Variants in EPHA5 observed in about 807,000 individuals in gnomAD.
EPHA5 encodes the protein EPH receptor A5.
EPHA5 carries 60 observed loss-of-function variants against 105.0 expected under a neutral mutation model. The observed-to-expected ratio is 0.57, with a 90% confidence interval of 0.46 to 0.71. EPHA5 has a LOEUF of 0.71. Among genes scored for constraint, EPHA5 ranks in the 30% least tolerant of loss-of-function variants. EPHA5 has a pLI of 0.00. For synonymous variants in EPHA5, 513 were observed against 449.1 expected (o/e 1.14, Z -1.80); for missense variants, 1,218 against 1,274.7 (o/e 0.96, Z 0.68).
At chr4:65,616,926 T>C (rs1328546823) in intron 2 of EPHA5, among the ~76,000 whole-genome samples, 1 of 152,080 alleles carries the variant, frequency 6.6e-6, no homozygotes, top group African/African-American at 2.4e-5. Flanking sequence ...TAAGTTGAAA[T>C]CTTTGTGAAC....
chr4:65,350,200 G>T (rs1435685873), intron 13 of EPHA5, among the ~76,000 whole-genome samples: 1 of 152,080 alleles, frequency 6.6e-6, no homozygotes, highest in Admixed American at 6.6e-5. Context: ...TCTTAATTGA[G>T]TTTTCATGTA....
At chr4:65,533,707 G>T (rs2149307357) in intron 3 of EPHA5, among the ~76,000 whole-genome samples, 1 of 152,232 alleles carries the variant, frequency 6.6e-6, no homozygotes, top group East Asian at 1.9e-4. Flanking sequence ...GGCCGAGGTG[G>T]GCGGATCACC....
chr4:65,327,299 G>T (rs1340510139), intron 16 of EPHA5, among the ~76,000 whole-genome samples: 1 of 151,168 alleles, frequency 6.6e-6, no homozygotes, highest in Non-Finnish European at 1.5e-5. Context: ...GTGAACTAGG[G>T]ATAAAATTTT....
intron 6 of EPHA5, among the ~76,000 whole-genome samples, chr4:65,416,847 G>A (rs898795331): frequency 1.3e-5 from 2 of 152,084 alleles, no homozygotes; most frequent in Non-Finnish European, 2.9e-5. Context: ...TCATCTAAGC[G>A]TCTTCCAAAA....
At chr4:65,592,358 T>G (rs1005422250) in intron 3 of EPHA5, among the ~76,000 whole-genome samples, 1 of 152,062 alleles carries the variant, frequency 6.6e-6, no homozygotes, top group African/African-American at 2.4e-5. Context: ...CTCAGTGGGA[T>G]GAGGCAGGCT....
chr4:65,489,662 AC>A (rs1256055044), intron 5 of EPHA5, among the ~76,000 whole-genome samples: 1 of 152,200 alleles, frequency 6.6e-6, no homozygotes, highest in African/African-American at 2.4e-5. Context: ...TTTTTATCTT[AC>A]CAGGAAAGAA....
At chr4:65,419,284 G>A (rs979865156) in intron 6 of EPHA5, among the ~76,000 whole-genome samples, 1 of 152,114 alleles carries the variant, frequency 6.6e-6, no homozygotes, top group African/African-American at 2.4e-5. Context: ...ATGGTGAGGA[G>A]AACCATTTAT....
At chr4:65,470,121 T>G (rs1361425765) in intron 5 of EPHA5, among the ~76,000 whole-genome samples, 1 of 152,096 alleles carries the variant, frequency 6.6e-6, no homozygotes, top group Non-Finnish European at 1.5e-5. Context: ...TAATACAATG[T>G]TGAGCCCAGG....
At chr4:65,372,726 A>G (rs1041096403) in intron 8 of EPHA5, among the ~76,000 whole-genome samples, 1 of 151,870 alleles carries the variant, frequency 6.6e-6, no homozygotes, top group Non-Finnish European at 1.5e-5. Context: ...TAACAACCCT[A>G]TGATTAATGC....
At chr4:65,643,260 T>C in intron 2 of EPHA5, 103 bp downstream of exon 2, 1 of 933,782 alleles carries the variant, frequency 1.1e-6, no homozygotes, top group Non-Finnish European at 1.7e-6. Context: ...GCACCTCCTG[T>C]CTTAACAACA....
chr4:65,394,773 G>C (rs1353745341), intron 8 of EPHA5, among the ~76,000 whole-genome samples: 2 of 152,074 alleles, frequency 1.3e-5, no homozygotes, highest in Non-Finnish European at 2.9e-5. Flanking sequence ...GTGGTGTTGT[G>C]AGATATTACT....
chr4:65,383,037 T>A lies in EPHA5; in HGVS notation c.1794-15613A>T, dbSNP rs145805992. 7.1e-3 allele frequency among the ~76,000 whole-genome samples: 1,060 copies of A among 149,170 alleles called. 9 individuals carry two copies. Among genetic ancestry groups the A allele is most frequent in the Middle Eastern group, 0.029 (8 of 278 alleles). Reference sequence around the variant, plus strand: ...AGATTATATATAATTAAACATATAATTTATATATACATTATATATATGTAA... The same window carrying A: ...AGATTATATATAATTAAACATATAAATTATATATACATTATATATATGTAA... On this transcript the variant is annotated intron_variant, in intron 8 of 16. Coordinates refer to ENST00000613740, the MANE Select transcript of EPHA5 (RefSeq NM_001281766.3).
At chr4:65,437,876 T>TA (rs1560536144) in intron 5 of EPHA5, among the ~76,000 whole-genome samples, 4 of 152,084 alleles carry the variant, frequency 2.6e-5, no homozygotes, top group Non-Finnish European at 4.4e-5. Context: ...GTTAAAAATT[T>TA]AAAAAATCAT....
At chr4:65,526,202 A>T (rs1042715094) in intron 3 of EPHA5, among the ~76,000 whole-genome samples, 2 of 151,890 alleles carry the variant, frequency 1.3e-5, no homozygotes, top group Non-Finnish European at 2.9e-5. Context: ...TACTACATGG[A>T]TATAAAGGGA....
At chr4:65,579,767 G>GT (rs1272742441) in intron 3 of EPHA5, among the ~76,000 whole-genome samples, 1 of 151,754 alleles carries the variant, frequency 6.6e-6, no homozygotes. Context: ...GATAAATTCT[G>GT]TTTTTTTCTG....
intron 3 of EPHA5, among the ~76,000 whole-genome samples, chr4:65,573,271 C>T (rs1740402471): frequency 1.3e-5 from 2 of 151,520 alleles, no homozygotes; most frequent in African/African-American, 4.9e-5. Context: ...ATTAGCTGGG[C>T]GTGGTGGCAG....
At chr4:65,372,513 G>T (rs1718578006) in intron 8 of EPHA5, among the ~76,000 whole-genome samples, 1 of 151,796 alleles carries the variant, frequency 6.6e-6, no homozygotes, top group South Asian at 2.1e-4. Flanking sequence ...TGCATTTTGG[G>T]TTCTTCATAG....
At chr4:65,349,331 A>G (rs564116188) in intron 13 of EPHA5, among the ~76,000 whole-genome samples, 17 of 104,200 alleles carry the variant, frequency 1.6e-4, no homozygotes, top group Non-Finnish European at 3.0e-4. Flanking sequence ...TTTTTATGGC[A>G]TAAAAATTGA....
chr4:65,481,510 C>G (rs549642017), intron 5 of EPHA5, among the ~76,000 whole-genome samples: 7 of 152,272 alleles, frequency 4.6e-5, no homozygotes, highest in Admixed American at 2.0e-4. Context: ...GGAAGCTGCT[C>G]CTTCATTTCT....
Sources: allele counts gnomAD v4.1 joint callset (sites outside exome capture counted in the v4.1 genomes callset), GRCh38; gene constraint gnomAD v4.1.1; transcripts MANE v1.5; gene names NCBI Gene and HGNC (gene_info 2026-07-23, HGNC 2026-07-21).